INTS1: variants seen among roughly 807,000 people sequenced by gnomAD.
The protein encoded by INTS1 is integrator complex subunit 1.
Under a neutral mutation model 241.6 loss-of-function variants are expected in INTS1, and 137 were observed. That is an observed-to-expected ratio of 0.57 (90% confidence interval 0.49 to 0.65). The LOEUF (loss-of-function observed/expected upper bound fraction) is 0.65, where lower values mean the gene tolerates loss of function less well. Among genes scored for constraint, INTS1 ranks in the 30% least tolerant of loss-of-function variants. INTS1 has a pLI of 0.00. For synonymous variants in INTS1, 1,692 were observed against 1,337.8 expected, an observed-to-expected ratio of 1.26 and a Z score of -5.78; for missense variants, 3,073 against 3,032.2, an observed-to-expected ratio of 1.01 and a Z score of -0.32.
intron 33 of INTS1, 149 bp from the exon 34 acceptor site, chr7:1,478,085 C>G: frequency 2.7e-6 from 2 of 749,632 alleles, no homozygotes; most frequent in South Asian, 1.7e-5. Context: ...AGAGTGCAGC[C>G]GGGGCCGGAG....
chr7:1,476,708 G>T (rs1215854441), intron 36 of INTS1, 51 bp from the exon 37 acceptor site: 1 of 1,612,212 alleles, frequency 6.2e-7, no homozygotes, highest in African/African-American at 1.3e-5. Context: ...CTCAGCATGG[G>T]AGATACCAGT....
rs200142723 is a variant in INTS1, at chr7:1,471,581, C to T, written c.6245G>A (p.Ser2082Asn). The T allele has an allele frequency of 9.3e-5, 150 of 1,612,366 alleles. 1 individual carries two copies. In the East Asian group the frequency reaches 3.1e-3, roughly 33 times the overall value. ...EMSRRRPEIL[S>N]FFSTNLQRLM... The stretch of plus-strand genomic sequence containing the variant: ...CCCCATCCAGCTCACCGAGAAGAAG[C>T]TCAGGATCTCGGGTCTCCGCCGGGA... Residue 2082 changes from serine (S) to asparagine (N), a missense_variant, in exon 45 of 48, where the codon AGC becomes AAC. By Grantham distance (46) the Ser-to-Asn change is conservative. Transcript: ENST00000404767.
intron 35 of INTS1, 97 bp from the exon 36 acceptor site, chr7:1,477,015 G>T (rs1045066255): frequency 4.0e-5 from 58 of 1,448,550 alleles, no homozygotes; most frequent in Non-Finnish European, 1.0e-5. Context: ...CACTCAGAGA[G>T]CCGAGGCTTG....
chr7:1,488,692 C>T (rs1296257839), intron 18 of INTS1, among the ~76,000 whole-genome samples: 2 of 152,234 alleles, frequency 1.3e-5, no homozygotes, highest in African/African-American at 2.4e-5. Flanking sequence ...GCCACAGCCT[C>T]GGGCGCCCCT....
At chr7:1,475,853 G>A (rs370699434) in intron 39 of INTS1, 95 bp downstream of exon 39, 21 of 1,426,342 alleles carry the variant, frequency 1.5e-5, no homozygotes, top group South Asian at 1.1e-4. Flanking sequence ...AGGGGTAGCC[G>A]GCGATGGCCA....
chr7:1,489,708 A>T, intron 16 of INTS1, 26 bp from the exon 17 acceptor site: 1 of 1,447,546 alleles, frequency 6.9e-7, no homozygotes, highest in South Asian at 1.3e-5. Context: ...GCCCCGACTC[A>T]GGCCCAGCGC....
chr7:1,480,970 AG>A, intron 28 of INTS1, 37 bp from the exon 29 acceptor site: 2 of 1,481,938 alleles, frequency 1.3e-6, no homozygotes, highest in Non-Finnish European at 1.9e-6. Flanking sequence ...GGGCGCGGCC[AG>A]GGGCCAGGGA....
At chr7:1,471,722 G>A (rs1277687424) in intron 44 of INTS1, 81 bp from the exon 45 acceptor site, 22 of 1,347,282 alleles carry the variant, frequency 1.6e-5, no homozygotes, top group Non-Finnish European at 2.1e-5. Context: ...CCCAGAGGGG[G>A]CAAGGCCCCG....
chr7:1,492,887 G>A, intron 16 of INTS1, 123 bp downstream of exon 16: 1 of 577,554 alleles, frequency 1.7e-6, no homozygotes, highest in Non-Finnish European at 3.0e-6. Context: ...GGCGGGAGTG[G>A]GGAGCGGGGC....
chr7:1,471,735 C>A, intron 44 of INTS1, 94 bp from the exon 45 acceptor site: 2 of 1,153,648 alleles, frequency 1.7e-6, no homozygotes, highest in South Asian at 2.5e-5. Context: ...AGGCCCCGAG[C>A]ACCACAGGAC....
At chr7:1,478,585 T>C in intron 32 of INTS1, 79 bp from the exon 33 acceptor site, 1 of 1,538,874 alleles carries the variant, frequency 6.5e-7, no homozygotes, top group Non-Finnish European at 8.8e-7. Flanking sequence ...GGCCCCACGG[T>C]AGAAGGGCTC....
chr7:1,487,595 C>A, intron 19 of INTS1, 146 bp from the exon 20 acceptor site: 1 of 1,285,538 alleles, frequency 7.8e-7, no homozygotes, highest in Non-Finnish European at 1.1e-6. Context: ...CAAGGCCTGG[C>A]CCCACAGCAG....
rs201867583 is a variant in INTS1 at position 1,497,193 on chromosome 7, C to T, written c.1547G>A (p.Cys516Tyr). 6.2e-7 allele frequency: 1 copy of T among 1,612,134 alleles called. No individual in the cohort carries two copies. The highest frequency in any genetic ancestry group is 8.5e-7 in the Non-Finnish European group (1 of 1,179,402). The change falls in exon 11 of 48, where the codon TGC becomes TAC. Residue 516 changes from cysteine to tyrosine, a missense_variant. Cys to Tyr is a radical substitution (Grantham distance 194). Transcript: ENST00000404767. This position sits in a 1 kb window ranked among gnomAD's most constrained non-coding sequence, Gnocchi z 5.3. ...CTTGCGCTCCTGCATGAGCCCCAGG[C>T]AGAAGGCCTGGAAGTTGATCTCGTG... The part of the protein sequence containing the change: ...TKHEINFQAF[C>Y]LGLMQERKEP...
rs553868364 is a variant in INTS1 at position 1,498,572 on chromosome 7, C to T, written c.1284-19G>A. 1.8e-4 allele frequency: 294 copies of T among 1,611,028 alleles called. No homozygotes were observed. In the South Asian group the frequency reaches 2.8e-3, roughly 16 times the overall value. ...CAGCTCCCTGGGTGAGGTGAGGGTA[C>T]AGACCCTGTCCCCGCTACGCCTGTG... is the stretch of plus-strand genomic sequence containing the variant. On this transcript the variant is annotated intron_variant, in intron 9 of 47. Coordinates refer to ENST00000404767, the MANE Select transcript of INTS1 (RefSeq NM_001080453.3).
intron 22 of INTS1, among the ~76,000 whole-genome samples, chr7:1,486,163 T>G (rs1489791643): frequency 6.6e-6 from 1 of 152,068 alleles, no homozygotes; most frequent in African/African-American, 2.4e-5. Context: ...CTCAAACTCC[T>G]GGACTCAAGT....
At position 1,487,004 on chromosome 7, in the gene INTS1, A is replaced by C; in HGVS notation, c.2744T>G (p.Leu915Arg). 1 of 1,606,824 alleles carries C rather than the reference A, an allele frequency of 6.2e-7. No individual in the cohort carries two copies. Among genetic ancestry groups the C allele is most frequent in the Non-Finnish European group, 8.5e-7 (1 of 1,178,728 alleles). The change falls in exon 21 of 48, where the codon CTG becomes CGG. Residue 915 changes from leucine to arginine, a missense_variant. Coordinates refer to ENST00000404767, the MANE Select transcript of INTS1 (RefSeq NM_001080453.3). ...LPVQCLCEFL[L>R]HDAVDDAASG... ...AGCAGCATCGTCCACAGCATCGTGCAGCAGGAACTCGCACAGACACTGCAC... is the reference window on the plus strand; with the variant it reads ...AGCAGCATCGTCCACAGCATCGTGCCGCAGGAACTCGCACAGACACTGCAC...
chr7:1,499,738 G>C, intron 5 of INTS1, 106 bp from the exon 6 acceptor site: 1 of 1,470,916 alleles, frequency 6.8e-7, no homozygotes, highest in Non-Finnish European at 9.1e-7. Flanking sequence ...GCCCTCTCCA[G>C]CTTCTGGGTG....
Position 1,489,454 on chromosome 7 carries a change from C to T in INTS1, c.2258-50G>A, listed in dbSNP as rs776512828. ...TGGCCAGGCTCCCCTGGGCACCAGG[C>T]GTGTGACCCCCGCTTCTCCCAGCTC... On this transcript the variant is annotated intron_variant, in intron 17 of 47. Transcript: ENST00000404767. 9.2e-6 allele frequency: 13 copies of T among 1,417,552 alleles called. 1 individual carries two copies. The highest frequency in any genetic ancestry group is 2.5e-5 in the South Asian group (2 of 79,762). 87.8% of individuals were successfully genotyped at this position (1,417,552 alleles called of 1,614,324 possible). A position where few individuals can be genotyped will look rare whatever the true frequency, so the allele number is the denominator to read the frequency against.
chr7:1,489,520 G>A (rs1782447745), intron 17 of INTS1, 71 bp downstream of exon 17: 1 of 1,528,018 alleles, frequency 6.5e-7, no homozygotes, highest in Non-Finnish European at 8.9e-7. Flanking sequence ...AGTCCCAACA[G>A]ACAAACTGCC....
Sources: gnomAD v4.1 joint callset for allele counts (sites outside exome capture counted in the v4.1 genomes callset) on GRCh38, gnomAD v4.1.1 for gene constraint, Gnocchi (gnomAD v3.1) non-coding constraint, MANE v1.5 for transcripts, NCBI Gene and HGNC (gene_info 2026-07-23, HGNC 2026-07-21) for gene names.